PHAF1: variants seen among roughly 807,000 people sequenced by gnomAD.
The protein encoded by PHAF1 is phagophore assembly factor 1.
A neutral mutation model predicts 63.1 loss-of-function variants in PHAF1; 23 were observed. The ratio of observed to expected loss-of-function variants is 0.36; its 90% CI spans 0.26 to 0.52. PHAF1 has a LOEUF of 0.52. Ranked by LOEUF, PHAF1 falls within the 20% of genes least tolerant of loss-of-function variation. The pLI is 0.93. For synonymous variants in PHAF1, 167 were observed against 185.0 expected (o/e 0.90, Z 0.79); for missense variants, 427 against 517.2 (o/e 0.83, Z 1.69).
intron 8 of PHAF1, among the ~76,000 whole-genome samples, chr16:67,137,894 C>T (rs959884337): frequency 6.6e-5 from 10 of 152,152 alleles, no homozygotes; most frequent in Non-Finnish European, 4.4e-5. Context: ...AAAGGGTTAT[C>T]GTCTTCACTG....
chr16:67,110,752 G>T (rs1020132804), intron 1 of PHAF1, among the ~76,000 whole-genome samples: 1 of 152,196 alleles, frequency 6.6e-6, no homozygotes. Context: ...AGATGTTGGG[G>T]CTCTGGTCAA....
rs2030292948 is a variant in PHAF1 at position 67,148,402 on chromosome 16, C to A, written c.*1271C>A. 6.6e-6 allele frequency: 1 copy of A among 152,648 alleles called. No homozygotes were observed. Among genetic ancestry groups the A allele is most frequent in the Admixed American group, 6.5e-5 (1 of 15,284 alleles). 9.5% of individuals were successfully genotyped at this position (152,648 alleles called of 1,614,324 possible). ...AGAGCCCCTTGCATATCCCCACTGT[C>A]AGGGGCAGCCAGGACTGTTCCCATC... On this transcript the variant is annotated 3_prime_UTR_variant, in exon 16 of 16. Coordinates refer to ENST00000219139, the MANE Select transcript of PHAF1 (RefSeq NM_025187.5).
intron 3 of PHAF1, among the ~76,000 whole-genome samples, chr16:67,126,415 G>C (rs557127692): frequency 6.6e-6 from 1 of 152,250 alleles, no homozygotes; most frequent in East Asian, 1.9e-4. Flanking sequence ...AATGGAAACT[G>C]TTCTTCCTAG....
At chr16:67,126,981 C>T (rs1425726196) in intron 3 of PHAF1, among the ~76,000 whole-genome samples, 1 of 142,934 alleles carries the variant, frequency 7.0e-6, no homozygotes, top group Non-Finnish European at 1.5e-5. Context: ...CTCTGCCTCC[C>T]GGGTTTAAGC....
At chr16:67,144,246 C>A in intron 10 of PHAF1, 48 bp from the exon 11 acceptor site, 1 of 1,427,658 alleles carries the variant, frequency 7.0e-7, no homozygotes, top group Non-Finnish European at 9.9e-7. Flanking sequence ...GGCCTCTGCC[C>A]TGCCTCAGTA....
chr16:67,134,715 C>A, intron 8 of PHAF1: 1 of 598,326 alleles, frequency 1.7e-6, no homozygotes, highest in South Asian at 1.5e-5. Flanking sequence ...AGAAACTTCT[C>A]CCCGTATCCT....
At chr16:67,123,374 C>G (rs1431206389) in intron 2 of PHAF1, among the ~76,000 whole-genome samples, 3 of 151,778 alleles carry the variant, frequency 2.0e-5, no homozygotes, top group Non-Finnish European at 4.4e-5. Flanking sequence ...GTCAGGAGTT[C>G]GAGACCAGCC....
At chr16:67,118,602 T>C (rs1962848454) in intron 1 of PHAF1, among the ~76,000 whole-genome samples, 1 of 151,898 alleles carries the variant, frequency 6.6e-6, no homozygotes, top group East Asian at 1.9e-4. Flanking sequence ...CCCAAAGTGC[T>C]GGGATTACAG....
At chr16:67,126,938 G>C (rs1012846851) in intron 3 of PHAF1, among the ~76,000 whole-genome samples, 2 of 146,322 alleles carry the variant, frequency 1.4e-5, no homozygotes, top group Non-Finnish European at 3.0e-5. Flanking sequence ...ACCCAGGCTG[G>C]CGTGAAGTGG....
At chr16:67,132,264 C>G (rs1246349494) in intron 4 of PHAF1, 182 bp from the exon 5 acceptor site, 2 of 584,748 alleles carry the variant, frequency 3.4e-6, no homozygotes, top group South Asian at 4.4e-5. Context: ...CTCATGAGAA[C>G]TGACCTTCTC....
At chr16:67,134,086 G>T in intron 6 of PHAF1, 82 bp from the exon 7 acceptor site, 2 of 1,212,174 alleles carry the variant, frequency 1.6e-6, no homozygotes, top group South Asian at 2.6e-5. Flanking sequence ...AGCTCTTGAA[G>T]ACCATGAGTG....
chr16:67,123,582 T>C (rs1963069666), intron 2 of PHAF1, among the ~76,000 whole-genome samples: 1 of 151,962 alleles, frequency 6.6e-6, no homozygotes, highest in South Asian at 2.1e-4. Flanking sequence ...CAAAAAAAAT[T>C]TTTTTGTAGA....
chr16:67,113,451 CTTTTTT>C (rs1011100173), intron 1 of PHAF1, among the ~76,000 whole-genome samples: 1 of 139,418 alleles, frequency 7.2e-6, no homozygotes, highest in African/African-American at 2.6e-5. Flanking sequence ...TTTTCTTTTT[CTTTTTT>C]TTTTTTTTTT....
chr16:67,144,171 G>T, intron 10 of PHAF1, 123 bp from the exon 11 acceptor site: 1 of 666,768 alleles, frequency 1.5e-6, no homozygotes, highest in Admixed American at 2.5e-5. Context: ...GAAGAAAGGT[G>T]ATGCCTGCAG....
At chr16:67,110,455 G>A (rs1463531751) in intron 1 of PHAF1, among the ~76,000 whole-genome samples, 1 of 152,048 alleles carries the variant, frequency 6.6e-6, no homozygotes, top group African/African-American at 2.4e-5. Context: ...GTCTCTTCTG[G>A]GACGGTGGAA....
At chr16:67,120,558 T>G (rs1443646067) in intron 2 of PHAF1, among the ~76,000 whole-genome samples, 1 of 150,960 alleles carries the variant, frequency 6.6e-6, no homozygotes, top group Non-Finnish European at 1.5e-5. Flanking sequence ...TTTTGTTGGT[T>G]AGTTTGTGTT....
chr16:67,124,382 A>G (rs1034632095), intron 2 of PHAF1, among the ~76,000 whole-genome samples: 1 of 152,204 alleles, frequency 6.6e-6, no homozygotes, highest in Non-Finnish European at 1.5e-5. Flanking sequence ...GTTTTTGCCA[A>G]GCATGATGGT....
chr16:67,147,347 G>A lies in PHAF1; in HGVS notation c.*216G>A. ...CTTTGGCCTGCTGGTGCCAGCAGGG[G>A]ACACAGACTGCAAAGAGAAGCACAA... On this transcript the variant is annotated 3_prime_UTR_variant, in exon 16 of 16. Transcript: ENST00000219139. 1 of 541,674 alleles carries A rather than the reference G, an allele frequency of 1.8e-6. No homozygotes were observed. The highest frequency in any genetic ancestry group is 3.3e-6 in the Non-Finnish European group (1 of 305,462). 33.6% of individuals were successfully genotyped at this position (541,674 alleles called of 1,614,324 possible). A position where few individuals can be genotyped will look rare whatever the true frequency, so the allele number is the denominator to read the frequency against.
At chr16:67,119,647 G>C (rs1193227830) in intron 1 of PHAF1, among the ~76,000 whole-genome samples, 1 of 150,828 alleles carries the variant, frequency 6.6e-6, no homozygotes, top group East Asian at 1.9e-4. Flanking sequence ...CAGCCTCCCG[G>C]GTAGCTGGGA....
Sources: gnomAD v4.1 joint callset for allele counts (sites outside exome capture counted in the v4.1 genomes callset) on GRCh38, gnomAD v4.1.1 for gene constraint, MANE v1.5 for transcripts, NCBI Gene and HGNC (gene_info 2026-07-23, HGNC 2026-07-21) for gene names.